Variants in USP25 observed in about 807,000 individuals in gnomAD.
USP25 encodes the protein ubiquitin specific peptidase 25, also known as ubiquitin carboxyl-terminal hydrolase 25.
A neutral mutation model predicts 158.5 loss-of-function variants in USP25; 85 were observed. The ratio of observed to expected loss-of-function variants is 0.54; its 90% CI spans 0.45 to 0.64. The LOEUF is 0.64. Among genes scored for constraint, USP25 ranks in the 30% least tolerant of loss-of-function variants. The pLI, the probability that USP25 is intolerant of heterozygous loss-of-function variation, is 0.00. For missense variants in USP25, 1,242 were observed against 1,327.3 expected (o/e 0.94, Z 1.00); for synonymous variants, 464 against 460.4 (o/e 1.01, Z -0.10).
At chr21:15,736,865 GT>G (rs2031569108) in intron 1 of USP25, among the ~76,000 whole-genome samples, 1 of 144,240 alleles carries the variant, frequency 6.9e-6, no homozygotes, top group South Asian at 2.2e-4. Context: ...TTTTAACTGT[GT>G]TTTTTGGTCT....
At chr21:15,811,053 G>T (rs778776381) in intron 8 of USP25, 84 bp from the exon 9 acceptor site, 15 of 1,237,916 alleles carry the variant, frequency 1.2e-5, no homozygotes, top group Non-Finnish European at 1.7e-5. Flanking sequence ...TTTTTGTCTT[G>T]TCATATGTTA....
chr21:15,853,586 A>C (rs2038994119), intron 20 of USP25, among the ~76,000 whole-genome samples: 1 of 152,062 alleles, frequency 6.6e-6, no homozygotes, highest in Non-Finnish European at 1.5e-5. Context: ...AAGTTATATA[A>C]ATTTTCCCAC....
At chr21:15,758,401 C>G (rs143043028) in intron 1 of USP25, among the ~76,000 whole-genome samples, 1 of 152,182 alleles carries the variant, frequency 6.6e-6, no homozygotes, top group East Asian at 1.9e-4. Flanking sequence ...GGCAGTTTCC[C>G]CCATCCTGTT....
chr21:15,735,386 A>G (rs2031389300), intron 1 of USP25, among the ~76,000 whole-genome samples: 2 of 152,232 alleles, frequency 1.3e-5, no homozygotes, highest in African/African-American at 4.8e-5. Flanking sequence ...CTATTTATGT[A>G]GCATTTACAT....
At chr21:15,823,440 C>G (rs1216245086) in intron 10 of USP25, among the ~76,000 whole-genome samples, 1 of 152,050 alleles carries the variant, frequency 6.6e-6, no homozygotes, top group Non-Finnish European at 1.5e-5. Flanking sequence ...ATTCTTTAAA[C>G]ACTAGTTATT....
At chr21:15,811,339 T>C in intron 9 of USP25, 129 bp downstream of exon 9, 1 of 799,142 alleles carries the variant, frequency 1.3e-6, no homozygotes, top group Admixed American at 3.1e-5. Flanking sequence ...TAATTTTTGT[T>C]GGATTGCTAC....
At chr21:15,855,097 A>G (rs2039071454) in intron 20 of USP25, among the ~76,000 whole-genome samples, 2 of 152,260 alleles carry the variant, frequency 1.3e-5, no homozygotes, top group South Asian at 4.1e-4. Flanking sequence ...TGGGAGGGTC[A>G]TATTATAATT....
chr21:15,847,088 A>G (rs779956198), intron 18 of USP25, among the ~76,000 whole-genome samples: 7 of 152,204 alleles, frequency 4.6e-5, no homozygotes, highest in Non-Finnish European at 8.8e-5. Flanking sequence ...ACAAAATAGA[A>G]TATGGATATT....
At chr21:15,801,009 A>G (rs2036107281) in intron 6 of USP25, among the ~76,000 whole-genome samples, 1 of 151,490 alleles carries the variant, frequency 6.6e-6, no homozygotes, top group African/African-American at 2.4e-5. Context: ...AACCCTTTCA[A>G]TCATTATGGT....
intron 14 of USP25, among the ~76,000 whole-genome samples, chr21:15,827,965 A>AT (rs936942746): frequency 2.6e-5 from 4 of 151,296 alleles, no homozygotes; most frequent in Admixed American, 1.3e-4. Context: ...ATTTTATTAC[A>AT]TTTTTTTCCT....
chr21:15,837,692 C>T (rs143667297), intron 17 of USP25, among the ~76,000 whole-genome samples: 117 of 152,296 alleles, frequency 7.7e-4, no homozygotes, highest in African/African-American at 2.6e-3. Context: ...CAATATAGCA[C>T]ACCCAGATTT....
At chr21:15,845,490 T>G (rs1447143913) in intron 18 of USP25, among the ~76,000 whole-genome samples, 1 of 152,100 alleles carries the variant, frequency 6.6e-6, no homozygotes, top group African/African-American at 2.4e-5. Flanking sequence ...TGTGGCAAAG[T>G]TTCTTCCCCC....
chr21:15,863,374 G>A lies in USP25; in HGVS notation c.2548-894G>A, dbSNP rs2039515036. ...CTTACATTAATAAAATGTACGTACT[G>A]TTGGAGCAATAAATACTTCTTTTTG... On this transcript the variant is annotated intron_variant, in intron 20 of 25. Transcript: ENST00000400183. Among the ~76,000 whole-genome samples, 3 of 152,098 alleles carry A rather than the reference G, an allele frequency of 2.0e-5. 1 individual carries two copies. The highest frequency in any genetic ancestry group is 2.0e-4 in the Admixed American group (3 of 15,260).
intron 21 of USP25, 110 bp downstream of exon 21, chr21:15,864,556 T>C (rs2039576024): frequency 9.9e-7 from 1 of 1,006,196 alleles, no homozygotes; most frequent in African/African-American, 1.7e-5. Flanking sequence ...GGGCACATAT[T>C]TTAATAAATA....
intron 22 of USP25, among the ~76,000 whole-genome samples, chr21:15,868,919 A>G (rs2039768284): frequency 6.6e-6 from 1 of 152,296 alleles, no homozygotes; most frequent in South Asian, 2.1e-4. Context: ...TGTTATGAAG[A>G]TCTACTAATA....
intron 20 of USP25, among the ~76,000 whole-genome samples, chr21:15,857,439 TTG>T (rs2039207759): frequency 6.6e-6 from 1 of 152,184 alleles, no homozygotes; most frequent in Admixed American, 6.5e-5. Flanking sequence ...TATTCTACTA[TTG>T]ATATTTGCCT....
chr21:15,755,400 C>T (rs1259896341), intron 1 of USP25, among the ~76,000 whole-genome samples: 4 of 152,070 alleles, frequency 2.6e-5, no homozygotes, highest in Non-Finnish European at 5.9e-5. Context: ...TTTCTTTTAC[C>T]ATTTTATAAG....
intron 7 of USP25, among the ~76,000 whole-genome samples, chr21:15,808,313 T>A (rs1174622132): frequency 6.6e-6 from 1 of 152,092 alleles, no homozygotes. Context: ...TTCTGAATGA[T>A]AGTAAAGGTA....
chr21:15,811,052 T>A, intron 8 of USP25, 85 bp from the exon 9 acceptor site: 2 of 1,216,614 alleles, frequency 1.6e-6, no homozygotes. Flanking sequence ...GTTTTTGTCT[T>A]GTCATATGTT....
Sources: allele counts gnomAD v4.1 joint callset (sites outside exome capture counted in the v4.1 genomes callset), GRCh38; gene constraint gnomAD v4.1.1; transcripts MANE v1.5; gene names NCBI Gene and HGNC (gene_info 2026-07-23, HGNC 2026-07-21).